Variants in BMERB1 observed in about 807,000 individuals in gnomAD.
The protein encoded by BMERB1 is bMERB domain-containing protein 1.
A neutral mutation model predicts 23.6 loss-of-function variants in BMERB1; 12 were observed. The ratio of observed to expected loss-of-function variants is 0.51; its 90% CI spans 0.33 to 0.82. The LOEUF is 0.82. BMERB1 is among the 40% of genes least tolerant of loss of function. The pLI is 0.03. For synonymous variants in BMERB1, 122 were observed against 96.6 expected (o/e 1.26, Z -1.54); for missense variants, 247 against 255.4 (o/e 0.97, Z 0.22).
chr16:15,496,995 G>T (rs1191408999), intron 1 of BMERB1, among the ~76,000 whole-genome samples: 4 of 152,234 alleles, frequency 2.6e-5, no homozygotes. Flanking sequence ...ATAAGCCAAG[G>T]AATGTAGGTG....
In BMERB1 at chr16:15,516,526, C is replaced by G. The variant is rs1277108537; in HGVS notation, c.230+1098C>G. ...CCGACAAACAGTGAAAGGTTACAAG[C>G]AAAACCAAACCAAACCAGAGGTTAA... On this transcript the variant is annotated intron_variant, in intron 2 of 5. Coordinates refer to ENST00000300006, the MANE Select transcript of BMERB1 (RefSeq NM_033201.3). 1.2e-4 allele frequency among the ~76,000 whole-genome samples: 18 copies of G among 152,164 alleles called. 1 individual carries two copies. Among genetic ancestry groups the G allele is most frequent in the Non-Finnish European group, 2.9e-5 (2 of 68,022 alleles).
At chr16:15,485,241 C>T (rs552142919) in intron 1 of BMERB1, among the ~76,000 whole-genome samples, 1 of 152,256 alleles carries the variant, frequency 6.6e-6, no homozygotes, top group Non-Finnish European at 1.5e-5. Flanking sequence ...GTTCATTCCT[C>T]CAAATTGCAT....
intron 1 of BMERB1, among the ~76,000 whole-genome samples, chr16:15,463,927 G>A (rs2051158979): frequency 6.6e-6 from 1 of 151,882 alleles, no homozygotes. Context: ...AAGTGGTCCT[G>A]ATCCAGACTG....
intron 2 of BMERB1, among the ~76,000 whole-genome samples, chr16:15,556,294 A>T (rs571953702): frequency 6.6e-6 from 1 of 152,230 alleles, no homozygotes; most frequent in African/African-American, 2.4e-5. Context: ...GGAGGAGTGG[A>T]TGGAAGTGGC....
At chr16:15,581,754 G>A (rs2150977691) in intron 4 of BMERB1, among the ~76,000 whole-genome samples, 1 of 152,174 alleles carries the variant, frequency 6.6e-6, no homozygotes, top group Middle Eastern at 3.4e-3. Context: ...CCCCTTAGTG[G>A]CGCCAATGCC....
At chr16:15,508,028 T>C (rs1456795142) in intron 1 of BMERB1, among the ~76,000 whole-genome samples, 3 of 152,314 alleles carry the variant, frequency 2.0e-5, no homozygotes, top group East Asian at 1.9e-4. Flanking sequence ...AGTTCTTACA[T>C]GAATATGGTT....
At chr16:15,454,121 T>TA (rs2051064879) in intron 1 of BMERB1, among the ~76,000 whole-genome samples, 3 of 152,078 alleles carry the variant, frequency 2.0e-5, no homozygotes, top group African/African-American at 7.2e-5. Flanking sequence ...TTTTTCCTTT[T>TA]AGAGTTTGAA....
intron 3 of BMERB1, among the ~76,000 whole-genome samples, chr16:15,570,597 A>C (rs1007127572): frequency 6.6e-6 from 1 of 152,118 alleles, no homozygotes; most frequent in East Asian, 1.9e-4. Flanking sequence ...CCAGACCCCA[A>C]AGTTCTTGGA....
At chr16:15,539,735 T>A (rs540479082) in intron 2 of BMERB1, among the ~76,000 whole-genome samples, 49 of 150,740 alleles carry the variant, frequency 3.3e-4, no homozygotes, top group Admixed American at 1.3e-4. Flanking sequence ...CCCAGCTACT[T>A]GGAAGGCTGA....
At chr16:15,478,586 C>CT (rs1205883107) in intron 1 of BMERB1, among the ~76,000 whole-genome samples, 8 of 152,208 alleles carry the variant, frequency 5.3e-5, no homozygotes, top group Admixed American at 2.0e-4. Flanking sequence ...GACTGAGACT[C>CT]TGTCAGGAGG....
At chr16:15,562,158 C>G (rs1486306782) in intron 2 of BMERB1, among the ~76,000 whole-genome samples, 1 of 151,620 alleles carries the variant, frequency 6.6e-6, no homozygotes, top group East Asian at 1.9e-4. Flanking sequence ...AAAAAATTAG[C>G]TGGGCCTGGT....
intron 2 of BMERB1, among the ~76,000 whole-genome samples, chr16:15,552,911 C>A (rs1170011253): frequency 6.6e-6 from 1 of 152,168 alleles, no homozygotes; most frequent in East Asian, 1.9e-4. Flanking sequence ...CAGTGGCTCA[C>A]CCCTGTTATC....
intron 2 of BMERB1, among the ~76,000 whole-genome samples, chr16:15,528,094 TC>T (rs1245230440): frequency 6.6e-6 from 1 of 152,184 alleles, no homozygotes; most frequent in Non-Finnish European, 1.5e-5. Context: ...CTTAGTCCGT[TC>T]CTGTTGCTGT....
At chr16:15,544,525 A>G (rs1433148284) in intron 2 of BMERB1, among the ~76,000 whole-genome samples, 1 of 152,212 alleles carries the variant, frequency 6.6e-6, no homozygotes, top group African/African-American at 2.4e-5. Context: ...GAAAAGAAGT[A>G]TATAAATTAC....
intron 2 of BMERB1, among the ~76,000 whole-genome samples, chr16:15,522,255 C>T (rs542734948): frequency 2.6e-5 from 4 of 152,296 alleles, no homozygotes; most frequent in East Asian, 3.9e-4. Context: ...GGAAGGTAGG[C>T]GTGCGAAGGA....
At chr16:15,454,229 A>T (rs148491329) in intron 1 of BMERB1, among the ~76,000 whole-genome samples, 84 of 152,368 alleles carry the variant, frequency 5.5e-4, no homozygotes, top group Middle Eastern at 3.4e-3. Context: ...TGTAGCTTGT[A>T]TAATCTGGAG....
intron 1 of BMERB1, among the ~76,000 whole-genome samples, chr16:15,509,905 T>G (rs1598481763): frequency 6.6e-6 from 1 of 152,102 alleles, no homozygotes; most frequent in African/African-American, 2.4e-5. Flanking sequence ...TCACATTGGA[T>G]TAGGGTGGGC....
chr16:15,546,864 C>G (rs998603446), intron 2 of BMERB1, among the ~76,000 whole-genome samples: 2 of 152,088 alleles, frequency 1.3e-5, no homozygotes, highest in African/African-American at 2.4e-5. Context: ...CTTCACACCC[C>G]CAATAAAACT....
At chr16:15,493,212 C>T (rs747152947) in intron 1 of BMERB1, among the ~76,000 whole-genome samples, 6 of 151,704 alleles carry the variant, frequency 4.0e-5, no homozygotes, top group Non-Finnish European at 7.4e-5. Context: ...ATTAGCCAGG[C>T]GTGGTGGTGC....
Sources: gnomAD v4.1 joint callset for allele counts (sites outside exome capture counted in the v4.1 genomes callset) on GRCh38, gnomAD v4.1.1 for gene constraint, MANE v1.5 for transcripts, NCBI Gene and HGNC (gene_info 2026-07-23, HGNC 2026-07-21) for gene names.